Variants in WWOX observed in about 807,000 individuals in gnomAD.
WWOX encodes WW domain containing oxidoreductase.
In WWOX, 69 loss-of-function variants were observed where a neutral mutation model predicts 46.2. The observed-to-expected ratio is 1.49, with a 90% CI of 1.23 to 1.82. The LOEUF is 1.82. WWOX is among the 40% of genes most tolerant of loss of function. The pLI is 0.00. For missense variants in WWOX, 919 were observed against 542.6 expected (o/e 1.69, Z -6.89); for synonymous variants, 359 against 202.6 (o/e 1.77, Z -6.56).
At chr16:78,567,328 G>A (rs9923777) in intron 8 of WWOX, among the ~76,000 whole-genome samples, 3 of 151,626 alleles carry the variant, frequency 2.0e-5, no homozygotes, top group African/African-American at 2.4e-5. Flanking sequence ...GGTGGATCAC[G>A]AGGTCAGGAG....
At chr16:79,044,222 G>A (rs2048025498) in intron 8 of WWOX, among the ~76,000 whole-genome samples, 1 of 152,172 alleles carries the variant, frequency 6.6e-6, no homozygotes, top group African/African-American at 2.4e-5. Context: ...CGCTCTTCAG[G>A]GAGAAGGAAA....
At chr16:78,433,882 C>T (rs886586638) in intron 8 of WWOX, among the ~76,000 whole-genome samples, 17 of 147,732 alleles carry the variant, frequency 1.2e-4, no homozygotes, top group Admixed American at 2.0e-4. Context: ...CTCCGCCTCC[C>T]GGGTTCACGC....
chr16:78,515,365 A>G (rs555667498), intron 8 of WWOX, among the ~76,000 whole-genome samples: 2 of 152,208 alleles, frequency 1.3e-5, no homozygotes, highest in Non-Finnish European at 2.9e-5. Flanking sequence ...CTCTGCGTAC[A>G]GCTAAGCTCA....
chr16:78,797,547 C>T (rs921949648), intron 8 of WWOX, among the ~76,000 whole-genome samples: 1 of 152,088 alleles, frequency 6.6e-6, no homozygotes, highest in Non-Finnish European at 1.5e-5. Context: ...TGTTCCAACT[C>T]CAGTCTGGCT....
At chr16:78,853,390 T>G (rs989536537) in intron 8 of WWOX, among the ~76,000 whole-genome samples, 5 of 152,172 alleles carry the variant, frequency 3.3e-5, no homozygotes, top group African/African-American at 1.2e-4. Flanking sequence ...TTTTTGTATT[T>G]TTAGTAGAGA....
intron 8 of WWOX, among the ~76,000 whole-genome samples, chr16:78,901,086 G>C (rs1197024880): frequency 1.3e-5 from 2 of 152,182 alleles, no homozygotes; most frequent in East Asian, 3.9e-4. Flanking sequence ...ACATCTAGAA[G>C]TTCCGGTTCT....
At chr16:78,613,728 C>A (rs1380109567) in intron 8 of WWOX, among the ~76,000 whole-genome samples, 2 of 152,186 alleles carry the variant, frequency 1.3e-5, no homozygotes, top group Non-Finnish European at 2.9e-5. Flanking sequence ...AACGAACTTT[C>A]CAGCCGAGAA....
chr16:78,284,254 G>A (rs2079732514), intron 5 of WWOX, among the ~76,000 whole-genome samples: 1 of 152,146 alleles, frequency 6.6e-6, no homozygotes, highest in Non-Finnish European at 1.5e-5. Context: ...CTTTTTGCAG[G>A]ATAGTGGTTT....
At chr16:78,464,324 A>C (rs574077382) in intron 8 of WWOX, among the ~76,000 whole-genome samples, 3 of 151,388 alleles carry the variant, frequency 2.0e-5, no homozygotes, top group African/African-American at 7.3e-5. Context: ...AAAGAGGGGA[A>C]GGGAGGAAGG....
intron 8 of WWOX, among the ~76,000 whole-genome samples, chr16:78,730,281 CT>C (rs1382097890): frequency 6.6e-6 from 1 of 151,962 alleles, no homozygotes; most frequent in Non-Finnish European, 1.5e-5. Flanking sequence ...CTGTCCCATC[CT>C]TTTTTCCTCC....
chr16:79,032,291 C>G (rs940099450), intron 8 of WWOX, among the ~76,000 whole-genome samples: 3 of 144,000 alleles, frequency 2.1e-5, no homozygotes, highest in African/African-American at 7.6e-5. Context: ...ATATAATAGA[C>G]TCTATAATGT....
At chr16:78,109,728 G>A (rs768441432) in intron 2 of WWOX, 50 bp from the exon 3 acceptor site, 16 of 1,597,184 alleles carry the variant, frequency 1.0e-5, no homozygotes, top group Admixed American at 3.3e-5. Flanking sequence ...ACCCAGGGAT[G>A]GTCTTTACTT....
rs973753797 is a variant in WWOX at position 78,843,190 on chromosome 16, A to T, written c.1057-368418A>T. 1.3e-5 allele frequency among the ~76,000 whole-genome samples: 2 copies of T among 149,992 alleles called. 1 individual carries two copies. Among genetic ancestry groups the T allele is most frequent in the Non-Finnish European group, 3.0e-5 (2 of 67,032 alleles). ...TCAGCCACTGTCCTAGGAGAGGAAA[A>T]TTCAATAAACACAAAAGCAAAGATT... On this transcript the variant is annotated intron_variant, in intron 8 of 8. Transcript: ENST00000566780.
chr16:78,979,042 T>G lies in WWOX; in HGVS notation c.1057-232566T>G, dbSNP rs115078988. ...ACCTTCATCAGCATCTGCTCTCCTT[T>G]ACGGCCAGGTCTCCTTCGTCCTCCC... On this transcript the variant is annotated intron_variant, in intron 8 of 8. Transcript: ENST00000566780. 7.0e-3 allele frequency among the ~76,000 whole-genome samples: 1,067 copies of G among 151,710 alleles called. 14 individuals are homozygous for G. Among genetic ancestry groups the G allele is most frequent in the African/African-American group, 0.025 (1,020 of 41,360 alleles).
In WWOX at chr16:79,129,247, C is replaced by T. The variant is rs138393940; in HGVS notation, c.1057-82361C>T. Among the ~76,000 whole-genome samples, 620 of 151,422 alleles carry T rather than the reference C, an allele frequency of 4.1e-3. 15 individuals are homozygous for T. Among genetic ancestry groups the T allele is most frequent in the Admixed American group, 0.035 (527 of 15,148 alleles). On this transcript the variant is annotated intron_variant, in intron 8 of 8. Transcript: ENST00000566780. ...GGGCCTAGGATTGGAAAACCTCCAA[C>T]GCAAAATAGAGATGTAGTTTTAGCG...
At chr16:78,966,548 T>C (rs896199993) in intron 8 of WWOX, among the ~76,000 whole-genome samples, 1 of 152,184 alleles carries the variant, frequency 6.6e-6, no homozygotes, top group Admixed American at 6.5e-5. Flanking sequence ...AGTGAAAATT[T>C]AGATTGTTTC....
At chr16:78,214,109 G>A (rs887677358) in intron 5 of WWOX, among the ~76,000 whole-genome samples, 1 of 152,090 alleles carries the variant, frequency 6.6e-6, no homozygotes, top group Non-Finnish European at 1.5e-5. Context: ...CCTAGGGCTG[G>A]GCTCATGACT....
chr16:78,842,676 A>C (rs1199411700), intron 8 of WWOX, among the ~76,000 whole-genome samples: 2 of 152,104 alleles, frequency 1.3e-5, no homozygotes, highest in African/African-American at 4.8e-5. Flanking sequence ...ACATCCAGGG[A>C]AACATAGTGT....
In WWOX at chr16:78,347,236, C is replaced by A. The variant is rs1001041522; in HGVS notation, c.517-39624C>A. The stretch of plus-strand genomic sequence containing the variant: ...CATTCTCTTTCCATCCTTTAAATGT[C>A]AGTGTCCCCCACAATTCTGTTGTTG... On this transcript the variant is annotated intron_variant, in intron 5 of 8. Transcript: ENST00000566780. 1.8e-5 allele frequency among the ~76,000 whole-genome samples: 2 copies of A among 112,990 alleles called. 1 individual carries two copies. Among genetic ancestry groups the A allele is most frequent in the Admixed American group, 1.8e-4 (2 of 11,192 alleles). The allele number at this position is 112,990 out of a possible 152,430, so 74.1% of individuals were successfully genotyped here. A position where few individuals can be genotyped will look rare whatever the true frequency, so the allele number is the denominator to read the frequency against.
Sources: allele counts gnomAD v4.1 joint callset (sites outside exome capture counted in the v4.1 genomes callset), GRCh38; gene constraint gnomAD v4.1.1; transcripts MANE v1.5; gene names NCBI Gene and HGNC (gene_info 2026-07-23, HGNC 2026-07-21).